RPS6KC1: variants seen among roughly 807,000 people sequenced by gnomAD.
RPS6KC1 encodes ribosomal protein S6 kinase C1.
In RPS6KC1, 54 loss-of-function variants were observed where a neutral mutation model predicts 103.8. The ratio of observed to expected loss-of-function variants is 0.52; its 90% CI spans 0.42 to 0.65. The LOEUF (loss-of-function observed/expected upper bound fraction) is 0.65. RPS6KC1 is among the 30% of genes least tolerant of loss of function. The pLI, the probability that RPS6KC1 is intolerant of heterozygous loss-of-function variation, is 0.00. For synonymous variants in RPS6KC1, 439 were observed against 438.7 expected, an observed-to-expected ratio of 1.00 and a Z score of -0.01; for missense variants, 1,151 against 1,253.8, an observed-to-expected ratio of 0.92 and a Z score of 1.24.
At chr1:213,455,381 C>T in the RPS6KC1 span, among the ~76,000 whole-genome samples, 5 of 152,082 alleles carry the variant, frequency 3.3e-5, no homozygotes, top group Non-Finnish European at 7.3e-5. Flanking sequence ...AATGTCAGGA[C>T]AGTGCCTACA....
chr1:213,109,512 A>G (rs897540957), intron 4 of RPS6KC1, among the ~76,000 whole-genome samples: 2 of 152,014 alleles, frequency 1.3e-5, no homozygotes, highest in African/African-American at 2.4e-5. Context: ...CCTTAAATTT[A>G]TTTGTAAGCA....
At chr1:213,398,410 A>G in the RPS6KC1 span, among the ~76,000 whole-genome samples, 1 of 151,758 alleles carries the variant, frequency 6.6e-6, no homozygotes, top group Non-Finnish European at 1.5e-5. Flanking sequence ...AACATTTTTT[A>G]TAGTAACCTG....
the RPS6KC1 span, among the ~76,000 whole-genome samples, chr1:213,452,420 C>T: frequency 2.0e-5 from 3 of 151,662 alleles, no homozygotes; most frequent in Non-Finnish European, 4.4e-5. Context: ...TTGGCATCCA[C>T]GGGTGGGTGG....
At chr1:213,581,589 G>A in the RPS6KC1 span, among the ~76,000 whole-genome samples, 1 of 152,014 alleles carries the variant, frequency 6.6e-6, no homozygotes, top group Non-Finnish European at 1.5e-5. Flanking sequence ...CTGCCATGTG[G>A]AAAAATGCCC....
chr1:213,119,801 C>G (rs1320767973), intron 5 of RPS6KC1, among the ~76,000 whole-genome samples: 4 of 151,974 alleles, frequency 2.6e-5, no homozygotes, highest in Non-Finnish European at 5.9e-5. Context: ...GGATGGTATT[C>G]TAAAATACTG....
intron 6 of RPS6KC1, among the ~76,000 whole-genome samples, chr1:213,130,874 G>A (rs2085524998): frequency 6.6e-6 from 1 of 151,492 alleles, no homozygotes; most frequent in South Asian, 2.1e-4. Context: ...TGTAAATCAG[G>A]CAACTTTCTT....
At chr1:213,571,504 A>G in the RPS6KC1 span, among the ~76,000 whole-genome samples, 1 of 152,142 alleles carries the variant, frequency 6.6e-6, no homozygotes, top group African/African-American at 2.4e-5. Flanking sequence ...ATGGGGAAGG[A>G]TAGAAGGAAA....
At chr1:213,359,391 T>G in the RPS6KC1 span, among the ~76,000 whole-genome samples, 1 of 152,290 alleles carries the variant, frequency 6.6e-6, no homozygotes, top group African/African-American at 2.4e-5. Flanking sequence ...TTGCCTTTTT[T>G]TGTTTTCCAT....
the RPS6KC1 span, among the ~76,000 whole-genome samples, chr1:213,804,846 G>A: frequency 1.3e-5 from 2 of 152,180 alleles, no homozygotes; most frequent in South Asian, 2.1e-4. Flanking sequence ...GTGAACACTC[G>A]AGTGAACAGA....
chr1:213,802,345 C>T, the RPS6KC1 span, among the ~76,000 whole-genome samples: 1 of 152,208 alleles, frequency 6.6e-6, no homozygotes, highest in African/African-American at 2.4e-5. Flanking sequence ...CCTAGAAAAA[C>T]AGTGCTAAGA....
the RPS6KC1 span, among the ~76,000 whole-genome samples, chr1:213,595,052 C>T: frequency 2.0e-5 from 3 of 152,102 alleles, no homozygotes; most frequent in African/African-American, 7.2e-5. Flanking sequence ...CTTTATTTCC[C>T]ATCTTAAGCT....
chr1:213,375,032 C>T, the RPS6KC1 span, among the ~76,000 whole-genome samples: 3 of 151,926 alleles, frequency 2.0e-5, no homozygotes, highest in South Asian at 2.1e-4. Flanking sequence ...CACATACACA[C>T]ACATACACAT....
intron 8 of RPS6KC1, among the ~76,000 whole-genome samples, chr1:213,178,413 C>T (rs2092034078): frequency 2.0e-5 from 3 of 151,716 alleles, no homozygotes; most frequent in Non-Finnish European, 4.4e-5. Flanking sequence ...TGGTGGCACA[C>T]ACCTGTAATC....
Position 213,051,374 on chromosome 1 carries a change from G to T in RPS6KC1, c.-31G>T, listed in dbSNP as rs767922964. The T allele has an allele frequency of 1.3e-6, 2 of 1,535,672 alleles. No homozygotes were observed. Among genetic ancestry groups the T allele is most frequent in the Non-Finnish European group, 9.0e-7 (1 of 1,114,062 alleles). On this transcript the variant is annotated 5_prime_UTR_variant, in exon 1 of 15. Transcript: ENST00000366960. Reference sequence around the variant, plus strand: ...CCGGGTTTCCCTCATGATCCCGGGCGGGTGGCGGCGGCGGCAGAGGCGGCG... The same window carrying T: ...CCGGGTTTCCCTCATGATCCCGGGCTGGTGGCGGCGGCGGCAGAGGCGGCG...
chr1:213,064,155 C>T (rs926285994), intron 1 of RPS6KC1, among the ~76,000 whole-genome samples: 2 of 151,936 alleles, frequency 1.3e-5, no homozygotes. Flanking sequence ...CTCTCTGGTT[C>T]GAACTGTTTT....
chr1:213,172,972 T>C (rs969350021), intron 7 of RPS6KC1, among the ~76,000 whole-genome samples: 3 of 152,238 alleles, frequency 2.0e-5, no homozygotes, highest in Admixed American at 2.0e-4. Flanking sequence ...CATAGCGCAA[T>C]GGGCCAAGTT....
the RPS6KC1 span, among the ~76,000 whole-genome samples, chr1:213,593,824 A>G: frequency 6.6e-6 from 1 of 152,170 alleles, no homozygotes; most frequent in Non-Finnish European, 1.5e-5. Flanking sequence ...TTGGGCACTC[A>G]GTCAGTGTGA....
the RPS6KC1 span, among the ~76,000 whole-genome samples, chr1:213,357,198 C>A: frequency 6.6e-6 from 1 of 152,210 alleles, no homozygotes; most frequent in Non-Finnish European, 1.5e-5. Flanking sequence ...AATCAGCTTT[C>A]TTGGTGATTG....
At chr1:213,152,288 C>T (rs1399746390) in intron 6 of RPS6KC1, among the ~76,000 whole-genome samples, 1 of 148,970 alleles carries the variant, frequency 6.7e-6, no homozygotes, top group Non-Finnish European at 1.5e-5. Flanking sequence ...GCTGATCCCC[C>T]TACCTCCCTC....
Sources: gnomAD v4.1 joint callset for allele counts (sites outside exome capture counted in the v4.1 genomes callset) on GRCh38, gnomAD v4.1.1 for gene constraint, MANE v1.5 for transcripts, NCBI Gene and HGNC (gene_info 2026-07-23, HGNC 2026-07-21) for gene names.